KREMEN1: variants seen among roughly 807,000 people sequenced by gnomAD.
The protein encoded by KREMEN1 is kringle containing transmembrane protein 1.
Under a neutral mutation model 46.5 loss-of-function variants are expected in KREMEN1, and 30 were observed. That is an observed-to-expected ratio of 0.65 (90% CI 0.48 to 0.88). The LOEUF (loss-of-function observed/expected upper bound fraction) is 0.88, where lower values mean the gene tolerates loss of function less well. Among genes scored for constraint, KREMEN1 ranks in the 40% least tolerant of loss-of-function variants. KREMEN1 has a pLI of 0.00. For synonymous variants in KREMEN1, 214 were observed against 230.6 expected (o/e 0.93, Z 0.65); for missense variants, 533 against 596.9 (o/e 0.89, Z 1.11).
At chr22:29,092,558 C>T (rs1464118077) in intron 1 of KREMEN1, among the ~76,000 whole-genome samples, 2 of 152,236 alleles carry the variant, frequency 1.3e-5, no homozygotes, top group Non-Finnish European at 2.9e-5. Context: ...CACTGAACTG[C>T]CTCCTTCAAT....
At chr22:29,156,307 C>T (rs756891545) in intron 9 of KREMEN1, among the ~76,000 whole-genome samples, 5 of 152,258 alleles carry the variant, frequency 3.3e-5, no homozygotes, top group South Asian at 2.1e-4. Flanking sequence ...TTGTTAACTA[C>T]AAAATAAACA....
chr22:29,082,268 G>A (rs134618), intron 1 of KREMEN1, among the ~76,000 whole-genome samples: 74,918 of 151,686 alleles, frequency 0.49, 19,239 homozygotes, highest in Middle Eastern at 0.63. Context: ...CCCAGGCTGG[G>A]GGGCAGTGGC....
chr22:29,146,051 A>C lies in KREMEN1; in HGVS notation c.*3939A>C, dbSNP rs1163773187. On this transcript the variant is annotated 3_prime_UTR_variant, in exon 9 of 9. Transcript: ENST00000400335. Reference sequence around the variant, plus strand: ...CACTTATACGCGGATGGCCTCCGAGACCCTGCCTCCCTGGTCTGCTGAGGT... The same window carrying C: ...CACTTATACGCGGATGGCCTCCGAGCCCCTGCCTCCCTGGTCTGCTGAGGT... 3 of 985,632 alleles carry C rather than the reference A, an allele frequency of 3.0e-6. No individual in the cohort carries two copies. The highest frequency in any genetic ancestry group is 3.6e-6 in the Non-Finnish European group (3 of 829,912). 61.1% of individuals were successfully genotyped at this position (985,632 alleles called of 1,614,324 possible).
chr22:29,121,583 C>A, intron 4 of KREMEN1, 102 bp downstream of exon 4: 1 of 1,222,156 alleles, frequency 8.2e-7, no homozygotes, highest in Non-Finnish European at 1.2e-6. Flanking sequence ...AAGCCAGACA[C>A]AAAAGGCCAC....
chr22:29,138,702 TCA>T lies in KREMEN1; in HGVS notation c.1044_1045del (p.Ser349CysfsTer65). Reference sequence around the variant, plus strand: ...GAGGTGATCACGGAGCAGGCCAACCTCAGTGTCAGCGCTGCCCGGTCCTCCAA... The same window carrying T: ...GAGGTGATCACGGAGCAGGCCAACCTGTGTCAGCGCTGCCCGGTCCTCCAA... On this transcript the variant is annotated frameshift_variant, in exon 7 of 9. Transcript: ENST00000400335. LOFTEE classifies it high-confidence loss of function. 1 of 1,614,098 alleles carries T rather than the reference TCA, an allele frequency of 6.2e-7. No individual in the cohort carries two copies. The highest frequency in any genetic ancestry group is 8.5e-7 in the Non-Finnish European group (1 of 1,180,014).
chr22:29,165,154 C>G (rs531669767), intron 9 of KREMEN1, among the ~76,000 whole-genome samples: 1 of 151,744 alleles, frequency 6.6e-6, no homozygotes, highest in Non-Finnish European at 1.5e-5. Flanking sequence ...GCCTGGGCAA[C>G]GGAGCGAGAC....
chr22:29,165,635 G>A (rs1455626800), intron 9 of KREMEN1, among the ~76,000 whole-genome samples: 1 of 152,184 alleles, frequency 6.6e-6, no homozygotes, highest in African/African-American at 2.4e-5. Flanking sequence ...TCAAAAGAGG[G>A]AATTTTGCTC....
In KREMEN1 at chr22:29,095,887, TTCTCC is replaced by T. The variant is rs1297895133; in HGVS notation, c.260+1468_260+1472del. ...AAAGCTTATTCTTAAAAAAAAAAAC[TTCTCC>T]AACACCACAAATATATGTGGTTTAA... On this transcript the variant is annotated intron_variant, in intron 2 of 8. Coordinates refer to ENST00000400335, the MANE Select transcript of KREMEN1 (RefSeq NM_001039570.3). Among the ~76,000 whole-genome samples, 21 of 151,550 alleles carry T rather than the reference TTCTCC, an allele frequency of 1.4e-4. No homozygotes were observed. In the East Asian group the frequency reaches 3.1e-3, roughly 22 times the overall value.
chr22:29,117,165 A>G (rs911630481), intron 3 of KREMEN1, among the ~76,000 whole-genome samples: 3 of 152,084 alleles, frequency 2.0e-5, no homozygotes, highest in Admixed American at 2.0e-4. Flanking sequence ...GTGTGTGTGT[A>G]CATGCGCACA....
Position 29,137,423 on chromosome 22 carries a change from C to G in KREMEN1, c.713C>G (p.Thr238Arg). 1 of 1,584,116 alleles carries G rather than the reference C, an allele frequency of 6.3e-7. No homozygotes were observed. The highest frequency in any genetic ancestry group is 8.6e-7 in the Non-Finnish European group (1 of 1,156,724). ...YSPDFPDTYATGRVCYWTIRV... is the reference protein window; with the variant it reads ...YSPDFPDTYARGRVCYWTIRV... Reference sequence around the variant, plus strand: ...CCTGACTTCCCCGACACCTATGCCACGGGGAGGGTCTGCTACTGGACCATC... The same window carrying G: ...CCTGACTTCCCCGACACCTATGCCAGGGGGAGGGTCTGCTACTGGACCATC... The change falls in exon 6 of 9, where the codon ACG (threonine) becomes AGG (arginine). Residue 238 changes from threonine to arginine, a missense_variant. By Grantham distance (71) the Thr-to-Arg change is moderately conservative. Coordinates refer to ENST00000400335, the MANE Select transcript of KREMEN1 (RefSeq NM_001039570.3).
downstream of KREMEN1, among the ~76,000 whole-genome samples, chr22:29,151,802 G>A (rs1035682740): frequency 6.6e-6 from 1 of 152,078 alleles, no homozygotes; most frequent in African/African-American, 2.4e-5. Context: ...TTGAGGTCAG[G>A]AGTTTGAGAC....
Position 29,161,278 on chromosome 22 carries a change from T to C in KREMEN1, c.1417-5766T>C, listed in dbSNP as rs554223088. Among the ~76,000 whole-genome samples the C allele has an allele frequency of 6.3e-4, 95 of 151,392 alleles. No homozygotes were observed. The South Asian group carries it at 0.012, about 19-fold the overall frequency. On this transcript the variant is annotated intron_variant, in intron 9 of 9. Transcript: ENST00000327813. ...ATCCCAGCACTTTGGGGGGCCAAGG[T>C]GGGCAGATCATGAGGTCAGGAGATC...
At chr22:29,096,422 C>T (rs1172572582) in intron 2 of KREMEN1, among the ~76,000 whole-genome samples, 1 of 152,096 alleles carries the variant, frequency 6.6e-6, no homozygotes, top group Non-Finnish European at 1.5e-5. Context: ...ATTTTTCTTT[C>T]TTGTGGATTA....
chr22:29,155,410 C>T (rs1398430929), intron 9 of KREMEN1, among the ~76,000 whole-genome samples: 3 of 152,094 alleles, frequency 2.0e-5, no homozygotes, highest in African/African-American at 7.2e-5. Context: ...TGGTGTGTGC[C>T]TGTAGTCCTA....
chr22:29,166,440 G>A (rs2039053277), intron 9 of KREMEN1, among the ~76,000 whole-genome samples: 1 of 152,166 alleles, frequency 6.6e-6, no homozygotes, highest in Admixed American at 6.5e-5. Context: ...TGGTGTTTGG[G>A]CACAGGCATG....
At chr22:29,119,454 C>T (rs1039137110) in intron 3 of KREMEN1, among the ~76,000 whole-genome samples, 1 of 152,186 alleles carries the variant, frequency 6.6e-6, no homozygotes, top group Non-Finnish European at 1.5e-5. Context: ...GGGTGTGGGA[C>T]TGAAAGTTCC....
chr22:29,073,909 G>A lies in KREMEN1; in HGVS notation c.97+682G>A, dbSNP rs984869089. On this transcript the variant is annotated intron_variant, in intron 1 of 8. Coordinates refer to ENST00000400335, the MANE Select transcript of KREMEN1 (RefSeq NM_001039570.3). The surrounding 1 kb of genome is among the most constrained non-coding windows in gnomAD (Gnocchi z 4.4). ...CGGGACGACTCCCCCGCTACAAGAGGCTATACGCCCCTCTCCGAGACCTCC... is the reference window on the plus strand; with the variant it reads ...CGGGACGACTCCCCCGCTACAAGAGACTATACGCCCCTCTCCGAGACCTCC... 2.6e-5 allele frequency among the ~76,000 whole-genome samples: 4 copies of A among 151,966 alleles called. No homozygotes were observed. The highest frequency in any genetic ancestry group is 9.7e-5 in the African/African-American group (4 of 41,414).
In KREMEN1 at chr22:29,138,594, GTCCCCAGTTAATTGCTTTT is replaced by G; in HGVS notation, c.965-27_965-9del. 6.2e-6 allele frequency: 10 copies of G among 1,603,150 alleles called. No individual in the cohort carries two copies. Among genetic ancestry groups the G allele is most frequent in the Non-Finnish European group, 8.5e-6 (10 of 1,170,160 alleles). On this transcript the variant is annotated splice_polypyrimidine_tract_variant and intron_variant, in intron 6 of 8. Transcript: ENST00000400335. ...AACTCTTTGTTGTCTCCATAGCCCT[GTCCCCAGTTAATTGCTTTT>G]TCTCTTCCAGCCGTCAAGGAAGAAC...
At chr22:29,154,673 G>C (rs576014764) in intron 9 of KREMEN1, 2 of 152,258 alleles carry the variant, frequency 1.3e-5, no homozygotes, top group African/African-American at 4.8e-5. Context: ...GCCCTGAACC[G>C]CAACTGCTCT....
Sources: gnomAD v4.1 joint callset for allele counts (sites outside exome capture counted in the v4.1 genomes callset) on GRCh38, gnomAD v4.1.1 for gene constraint, Gnocchi (gnomAD v3.1) non-coding constraint, MANE v1.5 for transcripts, NCBI Gene and HGNC (gene_info 2026-07-23, HGNC 2026-07-21) for gene names.